The following SYNE2 variants were observed in gnomAD, a reference collection of about 807,000 sequenced individuals.
SYNE2 encodes spectrin repeat containing nuclear envelope protein 2.
In SYNE2, 431 loss-of-function variants were observed where a neutral mutation model predicts 856.3. The observed-to-expected ratio is 0.50, with a 90% confidence interval of 0.47 to 0.55. The LOEUF (loss-of-function observed/expected upper bound fraction) is 0.55. Among genes scored for constraint, SYNE2 ranks in the 20% least tolerant of loss-of-function variants. The probability of loss-of-function intolerance (pLI) is 0.00; values close to 1 mark genes in which losing one functional copy is unlikely to be tolerated. For synonymous variants in SYNE2, 2,923 were observed against 2,872.3 expected, an observed-to-expected ratio of 1.02 and a Z score of -0.56; for missense variants, 8,129 against 8,023.2, an observed-to-expected ratio of 1.01 and a Z score of -0.50.
intron 7 of SYNE2, among the ~76,000 whole-genome samples, chr14:63,950,907 T>C (rs1429734663): frequency 6.6e-6 from 1 of 151,982 alleles, no homozygotes; most frequent in Non-Finnish European, 1.5e-5. Context: ...TTCACCTGCC[T>C]CCGTCTTCGA....
At chr14:63,898,402 T>TTGG (rs2095288141) in intron 1 of SYNE2, among the ~76,000 whole-genome samples, 1 of 152,140 alleles carries the variant, frequency 6.6e-6, no homozygotes, top group South Asian at 2.1e-4. Context: ...CCTTATTTTG[T>TTGG]TGGTATAGTT....
chr14:63,816,843 G>T (rs370773499), intron 1 of SYNE2, among the ~76,000 whole-genome samples: 7 of 151,928 alleles, frequency 4.6e-5, no homozygotes, highest in African/African-American at 1.7e-4. Context: ...CAGCGTCCTG[G>T]GTAGCTGAGA....
chr14:64,215,928 G>T, intron 107 of SYNE2: 1 of 1,308,660 alleles, frequency 7.6e-7, no homozygotes, highest in Non-Finnish European at 9.8e-7. Context: ...CTCCTGAGAG[G>T]CCTTCTGCCA....
At chr14:64,099,077 G>A in intron 63 of SYNE2, 3 of 458,844 alleles carry the variant, frequency 6.5e-6, no homozygotes, top group South Asian at 6.5e-5. Context: ...GTTCTCTGTA[G>A]TATCCTGATT....
intron 2 of SYNE2, among the ~76,000 whole-genome samples, chr14:63,922,973 C>T (rs1225127230): frequency 3.3e-5 from 5 of 152,228 alleles, no homozygotes; most frequent in Non-Finnish European, 5.9e-5. Context: ...GGTGCTTGGA[C>T]TGCTGCCCCA....
rs1567234172 is a variant in SYNE2, at chr14:64,080,548, T to A, written c.11256T>A (p.Ala3752=). Residue 3752 remains alanine, a synonymous_variant, in exon 56 of 116, where the codon GCT becomes GCA. Transcript: ENST00000555002. ...QDIVEQDPGQ[A]QEWMDNLMIP... ...TTGTTGAACAGGACCCAGGACAGGC[T>A]CAAGAATGGATGGATAACTTGATGA... is the stretch of plus-strand genomic sequence containing the variant. 1.2e-6 allele frequency: 2 copies of A among 1,614,174 alleles called. No individual in the cohort carries two copies. The highest frequency in any genetic ancestry group is 1.7e-6 in the Non-Finnish European group (2 of 1,180,028).
At chr14:64,105,575 C>G (rs1312163774) in intron 64 of SYNE2, among the ~76,000 whole-genome samples, 1 of 152,184 alleles carries the variant, frequency 6.6e-6, no homozygotes, top group Non-Finnish European at 1.5e-5. Context: ...CAAGATCATA[C>G]AACTTGCAAG....
In SYNE2 at chr14:64,053,543, T is replaced by G. The variant is rs1442762272; in HGVS notation, c.9630T>G (p.Thr3210=). The G allele has an allele frequency of 6.2e-7, 1 of 1,614,246 alleles. No individual in the cohort carries two copies. Among genetic ancestry groups the G allele is most frequent in the African/African-American group, 1.3e-5 (1 of 75,068 alleles). Residue 3210 remains threonine (T), a synonymous_variant, in exon 48 of 116, where the codon ACT becomes ACG. Transcript: ENST00000555002. ...WAEMCSIKAV[T]AIEKQREENS... is the part of the protein sequence containing the mutation. Reference sequence around the variant, plus strand: ...AAATGTGTAGTATTAAAGCTGTGACTGCTATTGAGAAACAAAGAGAAGAAA... The same window carrying G: ...AAATGTGTAGTATTAAAGCTGTGACGGCTATTGAGAAACAAAGAGAAGAAA...
Position 64,087,770 on chromosome 14 carries a change from C to T in SYNE2, c.11584C>T (p.Gln3862Ter). 1.2e-6 allele frequency: 2 copies of T among 1,613,934 alleles called. No homozygotes were observed. The highest frequency in any genetic ancestry group is 1.7e-6 in the Non-Finnish European group (2 of 1,179,860). ...AATTTTTGAAACAGATGAATTAACC[C>T]AATCCATACAAGAGTTAAGTAATCA... ...SIIFETDELT[Q>*]SIQELSNQVT... is the part of the protein sequence containing the mutation. The change falls in exon 58 of 116, where the codon CAA becomes TAA. Residue 3862 changes from glutamine (Q) to a stop codon, truncating the protein, a stop_gained. Transcript: ENST00000555002. LOFTEE classifies it high-confidence loss of function.
chr14:64,177,045 G>A (rs1374529563), intron 95 of SYNE2, among the ~76,000 whole-genome samples: 2 of 152,032 alleles, frequency 1.3e-5, no homozygotes, highest in African/African-American at 2.4e-5. Flanking sequence ...TGATCCACCC[G>A]CCTCAGCCTC....
In SYNE2 at chr14:64,209,989, C is replaced by T. The variant is rs370984274; in HGVS notation, c.18588C>T (p.Ile6196=). 6.2e-7 allele frequency: 1 copy of T among 1,614,034 alleles called. No individual in the cohort carries two copies. Among genetic ancestry groups the T allele is most frequent in the Non-Finnish European group, 8.5e-7 (1 of 1,180,046 alleles). Residue 6196 remains isoleucine, a synonymous_variant, in exon 103 of 116, where the codon ATC becomes ATT. Transcript: ENST00000555002. The part of the protein sequence containing the change: ...IHERLTQLEL[I]NKQYRRLARE... ...AGCGGCTCACTCAGCTGGAGCTCATCAACAAGCAGTACCGGCGGCTGGCCC... is the reference window on the plus strand; with the variant it reads ...AGCGGCTCACTCAGCTGGAGCTCATTAACAAGCAGTACCGGCGGCTGGCCC...
At chr14:64,158,918 G>A (rs758693356) in intron 86 of SYNE2, 123 bp downstream of exon 86, 56 of 1,074,824 alleles carry the variant, frequency 5.2e-5, no homozygotes, top group Non-Finnish European at 7.5e-5. Context: ...ATGTTAAATA[G>A]CAGTTTCAAA....
intron 1 of SYNE2, among the ~76,000 whole-genome samples, chr14:63,812,769 T>C (rs866228494): frequency 3.2e-4 from 48 of 152,172 alleles, no homozygotes; most frequent in African/African-American, 1.1e-3. Context: ...CAGTTGACTT[T>C]AAGGAACTAA....
At chr14:63,865,719 C>CA (rs1300679175) in intron 1 of SYNE2, among the ~76,000 whole-genome samples, 5 of 114,488 alleles carry the variant, frequency 4.4e-5, no homozygotes, top group Non-Finnish European at 7.3e-5. Context: ...TACCCACCCC[C>CA]CCCCCAAAAA....
At chr14:63,861,098 C>T (rs1893497730) in intron 1 of SYNE2, among the ~76,000 whole-genome samples, 2 of 151,242 alleles carry the variant, frequency 1.3e-5, no homozygotes, top group Admixed American at 6.6e-5. Context: ...TTTTCCAGCT[C>T]TTCAAGTCTA....
intron 45 of SYNE2, among the ~76,000 whole-genome samples, chr14:64,046,937 T>G (rs2097190496): frequency 1.3e-5 from 2 of 152,158 alleles, no homozygotes; most frequent in African/African-American, 2.4e-5. Flanking sequence ...CAGCGCTCCT[T>G]TAGTTCTGCT....
intron 1 of SYNE2, among the ~76,000 whole-genome samples, chr14:63,803,532 G>T (rs935367953): frequency 6.6e-6 from 1 of 152,248 alleles, no homozygotes; most frequent in African/African-American, 2.4e-5. Context: ...ATTGCCCGGG[G>T]CAGCAGGGCT....
chr14:63,941,782 C>G lies in SYNE2; in HGVS notation c.229C>G (p.Gln77Glu). The change falls in exon 4 of 116, where the codon CAA becomes GAA. Residue 77 changes from glutamine (Q) to glutamate (E), a missense_variant. By Grantham distance (29) the Gln-to-Glu change is conservative. This residue lies in a region of SYNE2 where 2,422 missense variants were observed against 2,357.4 expected (regional missense o/e 1.03). Transcript: ENST00000555002. ...LLDLLEVLSG[Q>E]QLPRDKGSNT... ...GGATCTGCTAGAAGTACTTTCTGGG[C>G]AACAGTTGGTAAGATTTTTAAATGA... The G allele has an allele frequency of 6.2e-7, 1 of 1,613,940 alleles. No homozygotes were observed. The highest frequency in any genetic ancestry group is 8.5e-7 in the Non-Finnish European group (1 of 1,179,888).
At chr14:64,174,453 T>TG (rs2098424689) in intron 94 of SYNE2, among the ~76,000 whole-genome samples, 1 of 152,226 alleles carries the variant, frequency 6.6e-6, no homozygotes, top group Admixed American at 6.5e-5. Flanking sequence ...GCTGCGCCTT[T>TG]GGGGCACACA....
Sources: allele counts gnomAD v4.1 joint callset (sites outside exome capture counted in the v4.1 genomes callset), GRCh38; gene constraint gnomAD v4.1.1; regional missense constraint gnomAD v4.1.1; transcripts MANE v1.5; gene names NCBI Gene and HGNC (gene_info 2026-07-23, HGNC 2026-07-21).